Variants in LUC7L2 observed in about 807,000 individuals in gnomAD.
LUC7L2 encodes LUC7 like 2, pre-mRNA splicing factor.
LUC7L2 carries 25 observed loss-of-function variants against 52.8 expected under a neutral mutation model. That is an observed-to-expected ratio of 0.47 (90% CI 0.34 to 0.66). The LOEUF (loss-of-function observed/expected upper bound fraction) is 0.66. Ranked by LOEUF, LUC7L2 falls within the 30% of genes least tolerant of loss-of-function variation. The pLI, the probability that LUC7L2 is intolerant of heterozygous loss-of-function variation, is 0.01. For synonymous variants in LUC7L2, 144 were observed against 160.9 expected (o/e 0.89, Z 0.80); for missense variants, 328 against 497.8 (o/e 0.66, Z 3.25).
At chr7:139,373,863 T>A (rs1279188057) in intron 1 of LUC7L2, among the ~76,000 whole-genome samples, 1 of 152,212 alleles carries the variant, frequency 6.6e-6, no homozygotes, top group Admixed American at 6.5e-5. Context: ...ACCAAAACAT[T>A]TAGATACTTT....
At chr7:139,417,807 T>C (rs769952675) in intron 9 of LUC7L2, 78 bp downstream of exon 9, 2 of 1,506,040 alleles carry the variant, frequency 1.3e-6, no homozygotes, top group Non-Finnish European at 1.8e-6. Context: ...GTTACTTATG[T>C]TTAGAGTTCA....
chr7:139,350,636 G>A (rs1232132380), intron 1 of LUC7L2, among the ~76,000 whole-genome samples: 1 of 150,856 alleles, frequency 6.6e-6, no homozygotes, highest in African/African-American at 2.4e-5. Context: ...TGACACTATG[G>A]GCAATTCCCT....
At position 139,416,040 on chromosome 7, in the gene LUC7L2, A is replaced by AATATATAT. The variant is rs66498771; in HGVS notation, c.810-1455_810-1448dup. The AATATATAT allele has an allele frequency of 7.7e-3, 750 of 97,476 alleles. 35 individuals carry two copies. The highest frequency in any genetic ancestry group is 0.013 in the Non-Finnish European group (533 of 40,828). The allele number at this position is 97,476 out of a possible 1,614,324, so 6.0% of individuals were successfully genotyped here. On this transcript the variant is annotated intron_variant, in intron 8 of 9. Coordinates refer to ENST00000354926, the MANE Select transcript of LUC7L2 (RefSeq NM_016019.5). ...ATTTAAGAGTTTTATTGAGGTATAA[A>AATATATAT]ATATATATATATATATATATATATA...
chr7:139,390,215 GTCTCTCTCTCTC>G (rs5887929), intron 2 of LUC7L2, among the ~76,000 whole-genome samples: 25 of 148,728 alleles, frequency 1.7e-4, no homozygotes, highest in African/African-American at 2.5e-4. Context: ...CCAGTGCCCA[GTCTCTCTCTCTC>G]TCTCTCTCTC....
In LUC7L2 at chr7:139,422,375, C is replaced by T; in HGVS notation, c.*35C>T. ...TACATTTCTTCAGTCCTTAAGCTTC[C>T]TACGGAGTTACGTACTATTGTTTAG... On this transcript the variant is annotated 3_prime_UTR_variant, in exon 10 of 10. Coordinates refer to ENST00000354926, the MANE Select transcript of LUC7L2 (RefSeq NM_016019.5). 6.3e-7 allele frequency: 1 copy of T among 1,580,952 alleles called. No homozygotes were observed. The highest frequency in any genetic ancestry group is 8.6e-7 in the Non-Finnish European group (1 of 1,165,996).
At chr7:139,354,123 A>G (rs977010676) in intron 1 of LUC7L2, among the ~76,000 whole-genome samples, 3 of 151,834 alleles carry the variant, frequency 2.0e-5, no homozygotes, top group Non-Finnish European at 2.9e-5. Context: ...GAAAAAAAAA[A>G]ATTGAAAAAA....
chr7:139,356,755 G>A (rs1206270644), upstream of LUC7L2, among the ~76,000 whole-genome samples: 2 of 152,020 alleles, frequency 1.3e-5, no homozygotes, highest in African/African-American at 4.8e-5. Flanking sequence ...GGCAGTATTC[G>A]AATTTTTGTG....
chr7:139,354,270 CTA>C (rs1324123341), intron 1 of LUC7L2, among the ~76,000 whole-genome samples: 1 of 152,122 alleles, frequency 6.6e-6, no homozygotes, highest in Non-Finnish European at 1.5e-5. Context: ...GCTAATAAAA[CTA>C]GTGGTGAAAT....
chr7:139,402,208 A>G lies in LUC7L2; in HGVS notation c.327A>G (p.Ala109=), dbSNP rs757373419. 7 of 1,611,086 alleles carry G rather than the reference A, an allele frequency of 4.3e-6. No homozygotes were observed. Among genetic ancestry groups the G allele is most frequent in the Non-Finnish European group, 5.9e-6 (7 of 1,178,962 alleles). The change falls in exon 4 of 10, where the codon GCA becomes GCG. Residue 109 remains alanine, a synonymous_variant. Transcript: ENST00000354926. The part of the protein sequence containing the change: ...RRTEVAKKRL[A]ETQEEISAEV... ...CAGAAGTGGCCAAGAAAAGATTAGC[A>G]GAAACTCAAGAAGAGATTAGTGCTG...
At chr7:139,366,590 C>T (rs535541407) in intron 1 of LUC7L2, among the ~76,000 whole-genome samples, 39 of 152,274 alleles carry the variant, frequency 2.6e-4, no homozygotes, top group African/African-American at 8.7e-4. Flanking sequence ...ACATCCATGC[C>T]GATTCATATA....
rs575258346 is a variant in LUC7L2, at chr7:139,348,883, G to C, written c.-26+8366G>C. 8.5e-5 allele frequency among the ~76,000 whole-genome samples: 13 copies of C among 152,168 alleles called. No individual in the cohort carries two copies. The South Asian group carries it at 2.3e-3, about 27-fold the overall frequency. ...ATGTTTATATAAAACACTTAGGGCTGGGCATGGTGGCTCACGCCTGTAATC... is the reference window on the plus strand; with the variant it reads ...ATGTTTATATAAAACACTTAGGGCTCGGCATGGTGGCTCACGCCTGTAATC... On this transcript the variant is annotated intron_variant, in intron 1 of 10. Transcript: ENST00000541170.
At chr7:139,420,078 C>T (rs1221021607) in intron 9 of LUC7L2, among the ~76,000 whole-genome samples, 1 of 152,244 alleles carries the variant, frequency 6.6e-6, no homozygotes, top group Admixed American at 6.5e-5. Context: ...TTTGTGACCT[C>T]TTCCTGGCAA....
At chr7:139,372,633 C>T (rs138613146) in intron 1 of LUC7L2, among the ~76,000 whole-genome samples, 2 of 152,194 alleles carry the variant, frequency 1.3e-5, no homozygotes, top group East Asian at 1.9e-4. Flanking sequence ...TGTATTATAA[C>T]TTATTACTCC....
chr7:139,398,787 T>A, intron 3 of LUC7L2, 90 bp downstream of exon 3: 5 of 1,217,662 alleles, frequency 4.1e-6, no homozygotes, highest in Non-Finnish European at 5.7e-6. Flanking sequence ...GAAAAACTCT[T>A]AGCAGTTTAT....
intron 1 of LUC7L2, among the ~76,000 whole-genome samples, chr7:139,368,804 C>T (rs1282399657): frequency 4.0e-5 from 6 of 151,688 alleles, no homozygotes; most frequent in Non-Finnish European, 8.8e-5. Context: ...TCCCCTTCAC[C>T]GTCTCAGTCC....
chr7:139,415,578 T>C lies in LUC7L2; in HGVS notation c.810-1960T>C, dbSNP rs937409257. Among the ~76,000 whole-genome samples, 7 of 67,388 alleles carry C rather than the reference T, an allele frequency of 1.0e-4. No individual in the cohort carries two copies. In the African/African-American group the frequency reaches 2.0e-3, roughly 19 times the overall value. The allele number at this position is 67,388 out of a possible 152,430, so 44.2% of individuals were successfully genotyped here. A position where few individuals can be genotyped will look rare whatever the true frequency, so the allele number is the denominator to read the frequency against. Reference sequence around the variant, plus strand: ...TTTCAGCTGTGGAAATAACGCTTTTTTTTTTTTTTTTTTTTTGAGACAGGG... The same window carrying C: ...TTTCAGCTGTGGAAATAACGCTTTTCTTTTTTTTTTTTTTTTGAGACAGGG... On this transcript the variant is annotated intron_variant, in intron 8 of 9. Coordinates refer to ENST00000354926, the MANE Select transcript of LUC7L2 (RefSeq NM_016019.5).
chr7:139,363,004 A>C (rs1799963503), intron 1 of LUC7L2, among the ~76,000 whole-genome samples: 1 of 152,142 alleles, frequency 6.6e-6, no homozygotes, highest in Non-Finnish European at 1.5e-5. Context: ...TGGGCACTTC[A>C]AGAAAGGACA....
chr7:139,392,373 T>C (rs1569382842), intron 2 of LUC7L2: 2 of 353,938 alleles, frequency 5.7e-6, no homozygotes, highest in African/African-American at 2.2e-5. Context: ...ACATTCACTT[T>C]TGGAATTTCA....
At chr7:139,375,890 G>A in intron 1 of LUC7L2, 172 bp from the exon 2 acceptor site, 2 of 615,150 alleles carry the variant, frequency 3.3e-6, no homozygotes, top group Non-Finnish European at 5.4e-6. Context: ...TACTGCAACT[G>A]CATGTTGTCT....
Sources: allele counts gnomAD v4.1 joint callset (sites outside exome capture counted in the v4.1 genomes callset), GRCh38; gene constraint gnomAD v4.1.1; transcripts MANE v1.5; gene names NCBI Gene and HGNC (gene_info 2026-07-23, HGNC 2026-07-21).